Variants in CDHR1 observed in about 807,000 individuals in gnomAD.
CDHR1 encodes cadherin-related family member 1.
CDHR1 carries 61 observed loss-of-function variants against 72.1 expected under a neutral mutation model. The ratio of observed to expected loss-of-function variants is 0.85; its 90% CI spans 0.69 to 1.05. The LOEUF is 1.05. Ranked by LOEUF, CDHR1 falls within the 50% of genes least tolerant of loss-of-function variation. The pLI is 0.00. For synonymous variants in CDHR1, 470 were observed against 448.1 expected (o/e 1.05, Z -0.62); for missense variants, 1,186 against 1,115.7 (o/e 1.06, Z -0.90).
intron 4 of CDHR1, 89 bp from the exon 5 acceptor site, chr10:84,198,943 C>A (rs573831003): frequency 4.3e-6 from 4 of 921,948 alleles, no homozygotes; most frequent in South Asian, 2.8e-5. Flanking sequence ...TGGGCAGAGA[C>A]GTGTACATTG....
intron 8 of CDHR1, 122 bp from the exon 9 acceptor site, chr10:84,204,405 C>A: frequency 1.3e-6 from 1 of 756,320 alleles, no homozygotes; most frequent in East Asian, 2.5e-5. Context: ...TCCACCGCCA[C>A]GTAGAGGCCT....
rs2132794552 is a variant in CDHR1, at chr10:84,199,016, C to T, written c.349-16C>T. The T allele has an allele frequency of 6.5e-7, 1 of 1,549,916 alleles. No homozygotes were observed. The highest frequency in any genetic ancestry group is 2.4e-5 in the East Asian group (1 of 40,914). On this transcript the variant is annotated splice_polypyrimidine_tract_variant and intron_variant, in intron 4 of 16. Transcript: ENST00000623527. ...GTCTCATTGCACTGGCTCTTGACCC[C>T]TCTGCCCCTTCTCAGGTGGCCGAAA...
chr10:84,211,799 G>A, intron 14 of CDHR1, 84 bp downstream of exon 14: 1 of 1,211,688 alleles, frequency 8.3e-7, no homozygotes, highest in Non-Finnish European at 1.2e-6. Flanking sequence ...GCAGAGGCAG[G>A]AGGGGCCTGG....
At chr10:84,211,624 C>T (rs192548340) in intron 13 of CDHR1, 24 bp from the exon 14 acceptor site, 1 of 1,610,812 alleles carries the variant, frequency 6.2e-7, no homozygotes, top group Non-Finnish European at 8.5e-7. Context: ...AGGCACGTGC[C>T]ACCCAGGGCT....
chr10:84,213,659 G>C (rs10887256), intron 16 of CDHR1, among the ~76,000 whole-genome samples: 29,816 of 151,994 alleles, frequency 0.2, 3,096 homozygotes, highest in Non-Finnish European at 0.22. Context: ...TCTCAGCTCA[G>C]TGTCTGGCAG....
intron 5 of CDHR1, among the ~76,000 whole-genome samples, chr10:84,199,547 T>C (rs1842086645): frequency 6.6e-6 from 1 of 152,236 alleles, no homozygotes; most frequent in Non-Finnish European, 1.5e-5. Context: ...TCCTCATTAA[T>C]TGTAAAGTTT....
intron 9 of CDHR1, 53 bp from the exon 10 acceptor site, chr10:84,205,774 C>G (rs1018074406): frequency 2.3e-6 from 3 of 1,289,648 alleles, no homozygotes; most frequent in Non-Finnish European, 2.2e-6. Flanking sequence ...CACGACTCCC[C>G]TGCGCCTCCC....
chr10:84,202,251 C>A (rs1450091215), intron 7 of CDHR1, among the ~76,000 whole-genome samples: 1 of 152,166 alleles, frequency 6.6e-6, no homozygotes, highest in African/African-American at 2.4e-5. Context: ...GCCAGGCTTG[C>A]TCACCCACCT....
chr10:84,211,854 A>G (rs1158897393), intron 14 of CDHR1, 139 bp downstream of exon 14: 4 of 820,108 alleles, frequency 4.9e-6, no homozygotes, highest in Admixed American at 2.0e-5. Flanking sequence ...GAGGCAGTGG[A>G]AAGCTGAAGC....
At position 84,199,164 on chromosome 10, in the gene CDHR1, C is replaced by A. The variant is rs202146844; in HGVS notation, c.438+43C>A. On this transcript the variant is annotated intron_variant, in intron 5 of 16. Coordinates refer to ENST00000623527, the MANE Select transcript of CDHR1 (RefSeq NM_033100.4). ...AGAGGGGCTGATTTTCCCACCCAGG[C>A]CCATAGCCTACCCCTGGGGCTGCCC... 3 of 1,494,676 alleles carry A rather than the reference C, an allele frequency of 2.0e-6. No individual in the cohort carries two copies. The East Asian group carries it at 7.4e-5, about 37-fold the overall frequency. 92.6% of individuals were successfully genotyped at this position (1,494,676 alleles called of 1,614,324 possible).
intron 10 of CDHR1, among the ~76,000 whole-genome samples, chr10:84,206,410 C>T (rs1842227476): frequency 6.6e-6 from 1 of 152,200 alleles, no homozygotes; most frequent in African/African-American, 2.4e-5. Flanking sequence ...GGGCATGTGA[C>T]CTGTGAAGTC....
Position 84,202,058 on chromosome 10 carries a change from G to A in CDHR1, c.639+138G>A, listed in dbSNP as rs74145721. 8.6e-3 allele frequency: 6,377 copies of A among 738,256 alleles called. 240 individuals are homozygous for A. In the African/African-American group the frequency reaches 0.089, roughly 10 times the overall value. The allele number at this position is 738,256 out of a possible 1,614,324, so 45.7% of individuals were successfully genotyped here. A position where few individuals can be genotyped will look rare whatever the true frequency, so the allele number is the denominator to read the frequency against. On this transcript the variant is annotated intron_variant, in intron 7 of 16. Coordinates refer to ENST00000623527, the MANE Select transcript of CDHR1 (RefSeq NM_033100.4). ...GTGGGGAAATAGGGAGCAGCTGCTC[G>A]GAATTTTTCCTGCCTGGACATATTC... is the stretch of plus-strand genomic sequence containing the variant.
At position 84,208,795 on chromosome 10, in the gene CDHR1, A is replaced by T. The variant is rs777381825; in HGVS notation, c.1234A>T (p.Thr412Ser). The T allele has an allele frequency of 6.2e-7, 1 of 1,614,104 alleles. No homozygotes were observed. The highest frequency in any genetic ancestry group is 1.3e-5 in the African/African-American group (1 of 74,934). ...GGGCATCTTCCGAGTGGTTCCACAG[A>T]CAGTCCTGAATGAAGCCCAAGTCAC... ...PRGIFRVVPQ[T>S]VLNEAQVTII... Residue 412 changes from threonine (T) to serine (S), a missense_variant, in exon 12 of 17, where the codon ACA (threonine) becomes TCA (serine). Coordinates refer to ENST00000623527, the MANE Select transcript of CDHR1 (RefSeq NM_033100.4).
chr10:84,203,305 C>T (rs1001408021), intron 8 of CDHR1, among the ~76,000 whole-genome samples, 182 bp downstream of exon 8: 2 of 152,236 alleles, frequency 1.3e-5, no homozygotes, highest in South Asian at 4.1e-4. Flanking sequence ...CCCAACTAGA[C>T]CATGAGCTCC....
intron 10 of CDHR1, among the ~76,000 whole-genome samples, chr10:84,206,784 G>A (rs1011003982): frequency 5.3e-5 from 8 of 152,346 alleles, no homozygotes; most frequent in African/African-American, 1.9e-4. Flanking sequence ...GTCCCAGCCA[G>A]AATTTGAGAA....
intron 11 of CDHR1, 140 bp downstream of exon 11, chr10:84,208,517 G>T (rs1273744255): frequency 3.2e-5 from 35 of 1,081,672 alleles, no homozygotes; most frequent in Non-Finnish European, 4.3e-5. Context: ...ACAAGAAGTT[G>T]TAACCAAGGG....
intron 16 of CDHR1, among the ~76,000 whole-genome samples, 187 bp from the exon 17 acceptor site, chr10:84,213,895 T>G (rs1238241126): frequency 6.6e-6 from 1 of 152,224 alleles, no homozygotes; most frequent in Non-Finnish European, 1.5e-5. Flanking sequence ...TCTGGAGAAC[T>G]GCATGCATCA....
chr10:84,213,146 A>G lies in CDHR1; in HGVS notation c.1838A>G (p.His613Arg), dbSNP rs1003960786. The change falls in exon 16 of 17, where the codon CAT becomes CGT. Residue 613 changes from histidine to arginine, a missense_variant. Physicochemically the swap from His to Arg is conservative, Grantham distance 29. Coordinates refer to ENST00000623527, the MANE Select transcript of CDHR1 (RefSeq NM_033100.4). The part of the protein sequence containing the change: ...PNNLVDYSIT[H>R]AEPANVFDIN... ...AACCTGGTGGACTATTCCATCACCC[A>G]TGCAGAGCCCGCCAACGTGTTCGAC... is the stretch of plus-strand genomic sequence containing the variant. The G allele has an allele frequency of 1.2e-6, 2 of 1,614,060 alleles. No individual in the cohort carries two copies. The highest frequency in any genetic ancestry group is 1.7e-6 in the Non-Finnish European group (2 of 1,180,036).
chr10:84,204,449 T>C (rs971378792), intron 8 of CDHR1, 78 bp from the exon 9 acceptor site: 4 of 1,037,560 alleles, frequency 3.9e-6, no homozygotes, highest in African/African-American at 3.1e-5. Context: ...CACCTCCTTT[T>C]CATCATGGAG....
Sources: allele counts gnomAD v4.1 joint callset (sites outside exome capture counted in the v4.1 genomes callset), GRCh38; gene constraint gnomAD v4.1.1; transcripts MANE v1.5; gene names NCBI Gene and HGNC (gene_info 2026-07-23, HGNC 2026-07-21).